CBFA2T2: variants seen among roughly 807,000 people sequenced by gnomAD.
CBFA2T2 encodes protein CBFA2T2.
A neutral mutation model predicts 62.2 loss-of-function variants in CBFA2T2; 11 were observed. The ratio of observed to expected loss-of-function variants is 0.18; its 90% CI spans 0.11 to 0.29. The LOEUF (loss-of-function observed/expected upper bound fraction) is 0.29. CBFA2T2 is among the 10% of genes least tolerant of loss of function. The pLI is 1.00. For missense variants in CBFA2T2, 592 were observed against 774.1 expected (o/e 0.76, Z 2.79); for synonymous variants, 295 against 287.5 (o/e 1.03, Z -0.27).
chr20:33,548,867 G>C (rs1474938388), intron 1 of CBFA2T2, among the ~76,000 whole-genome samples: 1 of 152,092 alleles, frequency 6.6e-6, no homozygotes, highest in African/African-American at 2.4e-5. Context: ...GAAGCAGGAA[G>C]ATCACTTGAG....
chr20:33,526,067 G>A (rs1459206929), intron 1 of CBFA2T2, among the ~76,000 whole-genome samples: 1 of 152,082 alleles, frequency 6.6e-6, no homozygotes, highest in African/African-American at 2.4e-5. Context: ...AAGCTATGCT[G>A]TACTTTAGAG....
At chr20:33,584,947 A>G (rs2014300345) in intron 1 of CBFA2T2, among the ~76,000 whole-genome samples, 3 of 152,124 alleles carry the variant, frequency 2.0e-5, no homozygotes, top group South Asian at 4.1e-4. Flanking sequence ...AACCCAGGGC[A>G]TTTGGTCTAA....
chr20:33,594,759 T>G (rs1444147115), intron 1 of CBFA2T2, among the ~76,000 whole-genome samples: 2 of 152,244 alleles, frequency 1.3e-5, no homozygotes, highest in Admixed American at 1.3e-4. Context: ...TCTCTGACTT[T>G]GGCTGCGTAT....
intron 1 of CBFA2T2, among the ~76,000 whole-genome samples, chr20:33,536,325 C>T (rs1358097063): frequency 9.2e-5 from 13 of 141,372 alleles, no homozygotes; most frequent in African/African-American, 2.3e-4. Flanking sequence ...CCCTCCCAGA[C>T]GGGGCGGCTG....
At chr20:33,510,630 T>C (rs537234788) in intron 1 of CBFA2T2, among the ~76,000 whole-genome samples, 3 of 152,336 alleles carry the variant, frequency 2.0e-5, no homozygotes, top group African/African-American at 7.2e-5. Flanking sequence ...GCATGATTTA[T>C]GATCCTTTGG....
At chr20:33,525,279 G>T (rs2011856191) in intron 1 of CBFA2T2, among the ~76,000 whole-genome samples, 1 of 151,508 alleles carries the variant, frequency 6.6e-6, no homozygotes. Flanking sequence ...TCCGCCTCCT[G>T]GGTTCAAGTG....
At chr20:33,491,060 C>T (rs1203021442) in intron 1 of CBFA2T2, among the ~76,000 whole-genome samples, 2 of 152,108 alleles carry the variant, frequency 1.3e-5, no homozygotes, top group African/African-American at 4.8e-5. Flanking sequence ...TTCTTACTTC[C>T]ATTTAGCCAT....
chr20:33,547,331 C>G (rs1568812458), intron 1 of CBFA2T2, among the ~76,000 whole-genome samples: 1 of 152,262 alleles, frequency 6.6e-6, no homozygotes, highest in East Asian at 1.9e-4. Context: ...GAGTTCAAGG[C>G]TGCAATGAAC....
At chr20:33,569,659 G>T (rs957724498) in intron 1 of CBFA2T2, among the ~76,000 whole-genome samples, 4 of 152,178 alleles carry the variant, frequency 2.6e-5, no homozygotes, top group African/African-American at 9.7e-5. Flanking sequence ...GAAATCAAGG[G>T]GGAGGTCATT....
At chr20:33,536,420 C>A (rs1329123698) in intron 1 of CBFA2T2, among the ~76,000 whole-genome samples, 1 of 146,246 alleles carries the variant, frequency 6.8e-6, no homozygotes, top group African/African-American at 2.6e-5. Context: ...GCTGGCCGGG[C>A]GGGGGGCTGA....
intron 1 of CBFA2T2, among the ~76,000 whole-genome samples, chr20:33,596,308 A>G (rs944532750): frequency 2.0e-5 from 3 of 152,216 alleles, no homozygotes; most frequent in African/African-American, 7.2e-5. Flanking sequence ...TACACATAAT[A>G]TACTTGTTCT....
chr20:33,627,682 C>T (rs1023127132), intron 6 of CBFA2T2, among the ~76,000 whole-genome samples: 8 of 152,068 alleles, frequency 5.3e-5, no homozygotes, highest in African/African-American at 1.4e-4. Context: ...ATGAGGAACT[C>T]AATATATACT....
intron 1 of CBFA2T2, among the ~76,000 whole-genome samples, chr20:33,537,235 G>C (rs545104796): frequency 6.6e-6 from 1 of 152,254 alleles, no homozygotes; most frequent in African/African-American, 2.4e-5. Context: ...CTGCAATCCC[G>C]GCACCTCGCG....
At chr20:33,599,757 T>C (rs1308190648) in intron 1 of CBFA2T2, among the ~76,000 whole-genome samples, 4 of 152,106 alleles carry the variant, frequency 2.6e-5, no homozygotes, top group African/African-American at 4.8e-5. Flanking sequence ...CATGCCTGGC[T>C]AATTTTTTGT....
At chr20:33,596,465 TTTATTCTTGAAATTCACAGTGCTTA>T (rs1378551112) in intron 1 of CBFA2T2, among the ~76,000 whole-genome samples, 4 of 152,180 alleles carry the variant, frequency 2.6e-5, no homozygotes, top group Non-Finnish European at 4.4e-5. Flanking sequence ...TCTTTGTATA[TTTATTCTTGAAATTCACAGTGCTTA>T]CAGCCCGGTA....
At chr20:33,495,474 T>G (rs1272954064) in intron 1 of CBFA2T2, among the ~76,000 whole-genome samples, 2 of 147,426 alleles carry the variant, frequency 1.4e-5, no homozygotes, top group Non-Finnish European at 3.0e-5. Flanking sequence ...GATCACGAGG[T>G]CAGGAGTTCA....
At chr20:33,516,400 G>A (rs542878724) in intron 1 of CBFA2T2, among the ~76,000 whole-genome samples, 2 of 152,370 alleles carry the variant, frequency 1.3e-5, no homozygotes, top group Admixed American at 1.3e-4. Context: ...AACCTAGCAG[G>A]CAGAGGTTAC....
At chr20:33,627,972 T>TA (rs1458603293) in intron 6 of CBFA2T2, among the ~76,000 whole-genome samples, 1 of 152,258 alleles carries the variant, frequency 6.6e-6, no homozygotes, top group Non-Finnish European at 1.5e-5. Context: ...GTTATACCAG[T>TA]ACACACGCTA....
intron 1 of CBFA2T2, among the ~76,000 whole-genome samples, chr20:33,521,834 G>T (rs910383106): frequency 2.0e-4 from 31 of 152,032 alleles, no homozygotes; most frequent in Non-Finnish European, 5.9e-5. Context: ...GTGTGTGTGT[G>T]TGTGTGTGTG....
Sources: allele counts gnomAD v4.1 joint callset (sites outside exome capture counted in the v4.1 genomes callset), GRCh38; gene constraint gnomAD v4.1.1; transcripts MANE v1.5; gene names NCBI Gene and HGNC (gene_info 2026-07-23, HGNC 2026-07-21).